The following TM9SF3 variants were observed in gnomAD, a reference collection of about 807,000 sequenced individuals.
TM9SF3 encodes the protein SM-11044-binding protein.
TM9SF3 carries 14 observed loss-of-function variants against 78.6 expected under a neutral mutation model. That is an observed-to-expected ratio of 0.18 (90% CI 0.12 to 0.28). The LOEUF (loss-of-function observed/expected upper bound fraction) is 0.28, where lower values mean the gene tolerates loss of function less well. Among genes scored for constraint, TM9SF3 ranks in the 10% least tolerant of loss-of-function variants. The pLI is 1.00. For synonymous variants in TM9SF3, 231 were observed against 241.7 expected (o/e 0.96, Z 0.41); for missense variants, 496 against 721.9 (o/e 0.69, Z 3.59).
At chr10:96,528,515 A>C (rs987787074) in intron 11 of TM9SF3, among the ~76,000 whole-genome samples, 34 of 152,156 alleles carry the variant, frequency 2.2e-4, no homozygotes, top group Admixed American at 5.9e-4. Context: ...TGTTTTGTAG[A>C]TACAACACAA....
At chr10:96,553,505 T>C (rs1023525133) in intron 5 of TM9SF3, among the ~76,000 whole-genome samples, 3 of 152,198 alleles carry the variant, frequency 2.0e-5, no homozygotes, top group Admixed American at 2.0e-4. Context: ...ATATAAAGTA[T>C]GGCACCTTAG....
intron 2 of TM9SF3, among the ~76,000 whole-genome samples, chr10:96,569,070 T>A (rs1421420858): frequency 1.3e-5 from 2 of 152,018 alleles, no homozygotes; most frequent in Non-Finnish European, 2.9e-5. Flanking sequence ...TGCCTATAGT[T>A]CCAGCTACTC....
chr10:96,536,967 C>T (rs1284282035), intron 9 of TM9SF3, among the ~76,000 whole-genome samples: 12 of 152,144 alleles, frequency 7.9e-5, no homozygotes, highest in Admixed American at 7.9e-4. Context: ...GCTAACCTTA[C>T]GATTTTCTTA....
intron 4 of TM9SF3, among the ~76,000 whole-genome samples, chr10:96,561,117 C>G (rs1358917887): frequency 6.6e-6 from 1 of 152,174 alleles, no homozygotes; most frequent in African/African-American, 2.4e-5. Context: ...TTCCCTAAAG[C>G]AGTTTCTTCT....
At chr10:96,540,769 C>CTTTTTTT (rs68126103) in intron 9 of TM9SF3, among the ~76,000 whole-genome samples, 1,458 of 51,406 alleles carry the variant, frequency 0.028, 98 homozygotes, top group Admixed American at 0.042. Flanking sequence ...TATTACCTTT[C>CTTTTTTT]TTTTTTTTTT....
intron 7 of TM9SF3, 57 bp from the exon 8 acceptor site, chr10:96,548,046 T>C: frequency 8.9e-7 from 1 of 1,128,972 alleles, no homozygotes; most frequent in Middle Eastern, 2.6e-4. Flanking sequence ...GAAAACATCA[T>C]AGTCTATTAT....
chr10:96,544,159 C>T lies in TM9SF3; in HGVS notation c.1102G>A (p.Ala368Thr). 2 of 1,613,002 alleles carry T rather than the reference C, an allele frequency of 1.2e-6. No homozygotes were observed. Among genetic ancestry groups the T allele is most frequent in the Non-Finnish European group, 1.7e-6 (2 of 1,179,410 alleles). ...QMFIGAFLIPAMVCGTAFFIN... is the reference protein window; with the variant it reads ...QMFIGAFLIPTMVCGTAFFIN... Reference sequence around the variant, plus strand: ...AAGAAGGCAGTGCCACACACCATAGCTGGGATAAGGAATGCCCCAATAAAC... The same window carrying T: ...AAGAAGGCAGTGCCACACACCATAGTTGGGATAAGGAATGCCCCAATAAAC... Residue 368 changes from alanine to threonine, a missense_variant, in exon 9 of 15, where the codon GCT becomes ACT. Around this residue, in one of 4 missense-constraint regions of TM9SF3, gnomAD observed 280 missense variants for 422.6 expected, o/e 0.66. Transcript: ENST00000371142.
chr10:96,539,761 C>A (rs1241790824), intron 9 of TM9SF3, among the ~76,000 whole-genome samples: 1 of 152,106 alleles, frequency 6.6e-6, no homozygotes, highest in African/African-American at 2.4e-5. Flanking sequence ...AAAACCATAA[C>A]CACTGCTCTC....
chr10:96,534,980 A>T (rs2134133568), intron 9 of TM9SF3, among the ~76,000 whole-genome samples: 1 of 152,150 alleles, frequency 6.6e-6, no homozygotes, highest in East Asian at 1.9e-4. Context: ...ACCTCATCCC[A>T]ATTAAGGCCT....
At chr10:96,580,428 G>A (rs989023495) in intron 1 of TM9SF3, among the ~76,000 whole-genome samples, 4 of 152,058 alleles carry the variant, frequency 2.6e-5, no homozygotes, top group Non-Finnish European at 5.9e-5. Context: ...ACCACACCCG[G>A]CTAATTTTTT....
In TM9SF3 at chr10:96,533,034, T is replaced by C. The variant is rs1440710383; in HGVS notation, c.1325+17A>G. ...TATTGTGTGAAACAATCGCATAAGA[T>C]TTAGCATTCTCTTTACCATTTTTTC... On this transcript the variant is annotated intron_variant, in intron 10 of 14. Transcript: ENST00000371142. 6.2e-7 allele frequency: 1 copy of C among 1,613,128 alleles called. No individual in the cohort carries two copies. The highest frequency in any genetic ancestry group is 8.5e-7 in the Non-Finnish European group (1 of 1,179,614).
rs557092161 is a variant in TM9SF3 at position 96,568,456 on chromosome 10, C to A, written c.299-3030G>T. 1.1e-3 allele frequency among the ~76,000 whole-genome samples: 167 copies of A among 152,248 alleles called. 2 individuals are homozygous for A. Among genetic ancestry groups the A allele is most frequent in the African/African-American group, 3.9e-3 (160 of 41,550 alleles). On this transcript the variant is annotated intron_variant, in intron 2 of 14. Coordinates refer to ENST00000371142, the MANE Select transcript of TM9SF3 (RefSeq NM_020123.4). ...AAAGTAGTAAAGTGGCAAATGTTAA[C>A]CTTATTTTTCAAACAGAAAGCAAGG...
intron 5 of TM9SF3, among the ~76,000 whole-genome samples, chr10:96,558,304 G>A (rs1171549700): frequency 2.8e-5 from 4 of 142,816 alleles, no homozygotes; most frequent in Non-Finnish European, 6.1e-5. Context: ...ATTGAGGTAG[G>A]GGAAAAATTT....
intron 14 of TM9SF3, among the ~76,000 whole-genome samples, chr10:96,523,722 A>T (rs1407405976): frequency 2.0e-5 from 3 of 151,878 alleles, no homozygotes; most frequent in African/African-American, 7.2e-5. Flanking sequence ...TCAGCAATAT[A>T]ATCAGCAAAA....
At chr10:96,563,372 A>G (rs1228029692) in intron 3 of TM9SF3, among the ~76,000 whole-genome samples, 1 of 151,214 alleles carries the variant, frequency 6.6e-6, no homozygotes, top group African/African-American at 2.4e-5. Context: ...CCTTCTAATA[A>G]TTAATTTTTT....
chr10:96,540,487 C>T (rs1267823997), intron 9 of TM9SF3, among the ~76,000 whole-genome samples: 1 of 152,178 alleles, frequency 6.6e-6, no homozygotes, highest in Admixed American at 6.5e-5. Flanking sequence ...TACTCCTGTA[C>T]AATCAACTGC....
intron 5 of TM9SF3, among the ~76,000 whole-genome samples, chr10:96,555,070 A>T (rs914904122): frequency 3.3e-5 from 5 of 151,112 alleles, no homozygotes; most frequent in Non-Finnish European, 5.9e-5. Context: ...TTTATCCTGT[A>T]AAAAGCTATC....
chr10:96,572,613 G>A (rs950670081), intron 2 of TM9SF3, among the ~76,000 whole-genome samples: 7 of 146,758 alleles, frequency 4.8e-5, no homozygotes, highest in East Asian at 2.0e-4. Context: ...TGCAAGCTCC[G>A]CCTCCTGGGT....
intron 1 of TM9SF3, among the ~76,000 whole-genome samples, chr10:96,581,617 C>T (rs920168563): frequency 4.6e-5 from 7 of 152,112 alleles, no homozygotes; most frequent in South Asian, 2.1e-4. Context: ...CAACGAATTA[C>T]GGCATTTAAC....
Sources: gnomAD v4.1 joint callset for allele counts (sites outside exome capture counted in the v4.1 genomes callset) on GRCh38, gnomAD v4.1.1 for gene constraint, gnomAD v4.1.1 regional missense constraint, MANE v1.5 for transcripts, NCBI Gene and HGNC (gene_info 2026-07-23, HGNC 2026-07-21) for gene names.